Variants in STK3 observed in about 807,000 individuals in gnomAD.
The protein encoded by STK3 is serine/threonine kinase 3.
A neutral mutation model predicts 58.0 loss-of-function variants in STK3; 41 were observed. The ratio of observed to expected loss-of-function variants is 0.71; its 90% CI spans 0.55 to 0.92. The LOEUF is 0.92. Among genes scored for constraint, STK3 ranks in the 40% least tolerant of loss-of-function variants. The probability of loss-of-function intolerance (pLI) is 0.00; values close to 1 mark genes in which losing one functional copy is unlikely to be tolerated. For missense variants in STK3, 479 were observed against 602.7 expected (o/e 0.79, Z 2.15); for synonymous variants, 170 against 191.0 (o/e 0.89, Z 0.91).
intron 6 of STK3, chr8:98,597,482 C>T: frequency 1.0e-6 from 1 of 985,240 alleles, no homozygotes; most frequent in Non-Finnish European, 1.2e-6. Flanking sequence ...CAATAAACAT[C>T]TTTCAATCAA....
Position 98,707,316 on chromosome 8 carries a change from A to G in STK3, c.352-5T>C, listed in dbSNP as rs1454738381. 3 of 1,505,628 alleles carry G rather than the reference A, an allele frequency of 2.0e-6. No individual in the cohort carries two copies. Among genetic ancestry groups the G allele is most frequent in the Non-Finnish European group, 2.7e-6 (3 of 1,122,042 alleles). The allele number at this position is 1,505,628 out of a possible 1,614,324, so 93.3% of individuals were successfully genotyped here. A position where few individuals can be genotyped will look rare whatever the true frequency, so the allele number is the denominator to read the frequency against. On this transcript the variant is annotated splice_region_variant and splice_polypyrimidine_tract_variant and intron_variant, in intron 4 of 10. Transcript: ENST00000419617. ...TGCAATTTCATCTTCTATTAACTGG[A>G]AAGAAATATTTTTAAAACCATAATT...
intron 1 of STK3, among the ~76,000 whole-genome samples, chr8:98,902,539 G>A (rs1485791221): frequency 1.3e-5 from 2 of 152,002 alleles, no homozygotes; most frequent in African/African-American, 2.4e-5. Flanking sequence ...CCCTCACCAC[G>A]CCCATCCAGT....
chr8:98,713,280 A>T (rs1826678913), intron 4 of STK3, among the ~76,000 whole-genome samples: 1 of 152,232 alleles, frequency 6.6e-6, no homozygotes. Context: ...GAAATAACTA[A>T]GATCAGAGCA....
At chr8:98,630,166 C>CTGTCTGATG (rs1292558532) in intron 6 of STK3, among the ~76,000 whole-genome samples, 1 of 152,158 alleles carries the variant, frequency 6.6e-6, no homozygotes, top group Non-Finnish European at 1.5e-5. Flanking sequence ...ATATGCCACC[C>CTGTCTGATG]TGTCTGATGT....
intron 6 of STK3, among the ~76,000 whole-genome samples, chr8:98,605,196 G>A (rs963338639): frequency 6.6e-6 from 1 of 152,086 alleles, no homozygotes; most frequent in African/African-American, 2.4e-5. Context: ...TTTCAAAGCT[G>A]CTTCCACATT....
At chr8:98,808,790 T>C (rs952135322) in intron 1 of STK3, among the ~76,000 whole-genome samples, 2 of 152,162 alleles carry the variant, frequency 1.3e-5, no homozygotes, top group African/African-American at 2.4e-5. Context: ...CTTTCAAACA[T>C]ATTTGAGCTT....
intron 3 of STK3, among the ~76,000 whole-genome samples, chr8:98,756,747 TAG>T (rs1830309119): frequency 6.6e-6 from 1 of 152,218 alleles, no homozygotes; most frequent in South Asian, 2.1e-4. Context: ...AGCTAATTCC[TAG>T]AGACAGCAAA....
chr8:98,369,471 G>C (rs1817591357), downstream of STK3, among the ~76,000 whole-genome samples: 1 of 152,110 alleles, frequency 6.6e-6, no homozygotes, highest in Non-Finnish European at 1.5e-5. Context: ...TGAGTGTGAA[G>C]GCTGGGCAGA....
intron 4 of STK3, among the ~76,000 whole-genome samples, chr8:98,729,744 C>G (rs754497382): frequency 4.6e-5 from 7 of 152,178 alleles, no homozygotes; most frequent in Non-Finnish European, 8.8e-5. Flanking sequence ...CAACTCATAT[C>G]TTGTCCCATA....
At chr8:98,483,872 G>A (rs985431767) in intron 10 of STK3, among the ~76,000 whole-genome samples, 1 of 152,134 alleles carries the variant, frequency 6.6e-6, no homozygotes, top group African/African-American at 2.4e-5. Context: ...CCAGCTGCTA[G>A]GTGTCATAGA....
downstream of STK3, among the ~76,000 whole-genome samples, chr8:98,450,194 G>A (rs1819138235): frequency 6.6e-6 from 1 of 152,170 alleles, no homozygotes; most frequent in African/African-American, 2.4e-5. Context: ...GAGTAGGTCA[G>A]GCCCTTACGA....
At chr8:98,556,044 T>C (rs1199716514) in intron 8 of STK3, among the ~76,000 whole-genome samples, 1 of 151,942 alleles carries the variant, frequency 6.6e-6, no homozygotes, top group Non-Finnish European at 1.5e-5. Context: ...CAAGAAACAA[T>C]TTACCCAGTG....
chr8:98,413,577 T>C (rs893177230), intron 3 of STK3: 4 of 670,598 alleles, frequency 6.0e-6, no homozygotes, highest in Non-Finnish European at 1.1e-5. Flanking sequence ...CAACTTTGTG[T>C]CTAAAATGTT....
chr8:98,457,433 G>A (rs1819583988), intron 10 of STK3, among the ~76,000 whole-genome samples: 1 of 152,102 alleles, frequency 6.6e-6, no homozygotes, highest in Non-Finnish European at 1.5e-5. Context: ...GTCTATGTAG[G>A]ATCCAGTTCC....
intron 6 of STK3, among the ~76,000 whole-genome samples, chr8:98,704,301 T>C (rs34334465): frequency 6.6e-6 from 1 of 152,296 alleles, no homozygotes; most frequent in East Asian, 1.9e-4. Flanking sequence ...ATACTTGCAG[T>C]TCAATACTCT....
chr8:98,637,210 G>C (rs1819691947), intron 6 of STK3, among the ~76,000 whole-genome samples: 1 of 151,894 alleles, frequency 6.6e-6, no homozygotes, highest in South Asian at 2.1e-4. Flanking sequence ...ACCAGGCCTG[G>C]ATTCCCACAT....
At chr8:98,603,545 T>C (rs1018282058) in intron 6 of STK3, among the ~76,000 whole-genome samples, 1 of 152,144 alleles carries the variant, frequency 6.6e-6, no homozygotes, top group African/African-American at 2.4e-5. Flanking sequence ...CCTATGACAA[T>C]ATTTTTCAAA....
At chr8:98,666,514 A>T (rs939421805) in intron 6 of STK3, among the ~76,000 whole-genome samples, 1 of 152,206 alleles carries the variant, frequency 6.6e-6, no homozygotes, top group Non-Finnish European at 1.5e-5. Flanking sequence ...TATAACCTAT[A>T]TTTCTTAATA....
intron 10 of STK3, among the ~76,000 whole-genome samples, chr8:98,508,127 G>A (rs1448188099): frequency 1.3e-5 from 2 of 152,084 alleles, no homozygotes; most frequent in Admixed American, 6.6e-5. Context: ...ACAGTGCCAG[G>A]CATGTATTAC....
Sources: allele counts gnomAD v4.1 joint callset (sites outside exome capture counted in the v4.1 genomes callset), GRCh38; gene constraint gnomAD v4.1.1; transcripts MANE v1.5; gene names NCBI Gene and HGNC (gene_info 2026-07-23, HGNC 2026-07-21).